CCDC149: variants seen among roughly 807,000 people sequenced by gnomAD.
CCDC149 encodes coiled-coil domain containing 149.
A neutral mutation model predicts 59.9 loss-of-function variants in CCDC149; 45 were observed. The ratio of observed to expected loss-of-function variants is 0.75; its 90% CI spans 0.59 to 0.96. The LOEUF is 0.96. Among genes scored for constraint, CCDC149 ranks in the 40% least tolerant of loss-of-function variants. The pLI is 0.00. For missense variants in CCDC149, 584 were observed against 664.7 expected, an observed-to-expected ratio of 0.88 and a Z score of 1.33; for synonymous variants, 245 against 260.6, an observed-to-expected ratio of 0.94 and a Z score of 0.58.
intron 1 of CCDC149, among the ~76,000 whole-genome samples, chr4:24,890,426 T>G (rs1246409712): frequency 6.6e-6 from 1 of 152,162 alleles, no homozygotes; most frequent in Non-Finnish European, 1.5e-5. Context: ...TCCCATGCCC[T>G]TTCTGCCACA....
At chr4:24,931,829 G>GTATATATATATATATATATATATATA (rs57205804) in intron 1 of CCDC149, among the ~76,000 whole-genome samples, 1,063 of 76,536 alleles carry the variant, frequency 0.014, 95 homozygotes, top group African/African-American at 0.024. Flanking sequence ...TGGAGAGTAT[G>GTATATATATATATATATATATATATA]TATATATATA....
At chr4:24,840,059 T>C (rs1374603743) in intron 4 of CCDC149, among the ~76,000 whole-genome samples, 1 of 152,134 alleles carries the variant, frequency 6.6e-6, no homozygotes. Flanking sequence ...GGAAGTTAAT[T>C]TAAGCCAAGG....
Position 24,819,989 on chromosome 4 carries a change from G to T in CCDC149, c.1076-14C>A. 1 of 1,530,410 alleles carries T rather than the reference G, an allele frequency of 6.5e-7. No individual in the cohort carries two copies. Among genetic ancestry groups the T allele is most frequent in the Non-Finnish European group, 8.9e-7 (1 of 1,129,704 alleles). 94.8% of individuals were successfully genotyped at this position (1,530,410 alleles called of 1,614,324 possible). On this transcript the variant is annotated splice_polypyrimidine_tract_variant and intron_variant, in intron 11 of 12. Transcript: ENST00000635206. ...TGTCCTTGCCCCCTGTTGCAGAAAA[G>T]AGGAAAATGGATGTCTTATATCATC...
chr4:24,876,655 G>A lies in CCDC149; in HGVS notation c.106C>T (p.Leu36=), dbSNP rs1280820276. The change falls in exon 2 of 13, where the codon CTG becomes TTG. Residue 36 remains leucine, a synonymous_variant. Transcript: ENST00000635206. ...TCCAGCTCCTTGGAGAGGATCAGCAGGGCTTCCTTCTTACTCTCCAGCTTC... is the reference window on the plus strand; with the variant it reads ...TCCAGCTCCTTGGAGAGGATCAGCAAGGCTTCCTTCTTACTCTCCAGCTTC... 4 of 1,613,862 alleles carry A rather than the reference G, an allele frequency of 2.5e-6. No homozygotes were observed. The highest frequency in any genetic ancestry group is 1.7e-6 in the Non-Finnish European group (2 of 1,179,974).
At chr4:24,805,479 A>G (rs1714104256), downstream of CCDC149, among the ~76,000 whole-genome samples, 1 of 152,190 alleles carries the variant, frequency 6.6e-6, no homozygotes, top group Non-Finnish European at 1.5e-5. Flanking sequence ...CAGAGACAGC[A>G]CCATTGGTTG....
At chr4:24,882,481 G>A (rs992408928) in intron 1 of CCDC149, among the ~76,000 whole-genome samples, 13 of 152,164 alleles carry the variant, frequency 8.5e-5, no homozygotes, top group Admixed American at 1.3e-4. Context: ...AAATGATATC[G>A]TTGAATTTTG....
intron 1 of CCDC149, among the ~76,000 whole-genome samples, chr4:24,906,213 G>A (rs1435230101): frequency 6.6e-6 from 1 of 151,928 alleles, no homozygotes; most frequent in Non-Finnish European, 1.5e-5. Context: ...TATTTCTTAG[G>A]AAGTGAAAAC....
At chr4:24,979,768 A>G (rs542409762) in intron 1 of CCDC149, among the ~76,000 whole-genome samples, 2 of 152,296 alleles carry the variant, frequency 1.3e-5, no homozygotes, top group African/African-American at 4.8e-5. Context: ...CCCAGGGACC[A>G]TTACAGTAAA....
chr4:24,804,044 G>A (rs914368557), downstream of CCDC149, among the ~76,000 whole-genome samples: 1 of 152,144 alleles, frequency 6.6e-6, no homozygotes, highest in Non-Finnish European at 1.5e-5. Flanking sequence ...GGAAAGAAGG[G>A]ACTACATTAA....
intron 1 of CCDC149, among the ~76,000 whole-genome samples, chr4:24,905,376 T>A (rs1222261387): frequency 2.6e-5 from 4 of 152,000 alleles, no homozygotes; most frequent in Non-Finnish European, 5.9e-5. Flanking sequence ...CTTATCTTTT[T>A]CATGTCCTAT....
rs1326525340 is a variant in CCDC149 at position 24,956,054 on chromosome 4, G to A, written c.-65+24015C>T. Among the ~76,000 whole-genome samples the A allele has an allele frequency of 3.3e-5, 5 of 152,160 alleles. No individual in the cohort carries two copies. In the East Asian group the frequency reaches 9.6e-4, roughly 29 times the overall value. ...AACGCATATATTAGACTCTAGCGGT[G>A]GTTCTGAAATAATTGGAGCCCAATT... On this transcript the variant is annotated intron_variant, in intron 1 of 12. Transcript: ENST00000389609.
At chr4:24,820,651 T>A (rs903190517) in intron 11 of CCDC149, among the ~76,000 whole-genome samples, 5 of 152,212 alleles carry the variant, frequency 3.3e-5, no homozygotes, top group African/African-American at 1.2e-4. Flanking sequence ...TAGAAGAGGC[T>A]CTTTTTCCTT....
chr4:24,893,612 A>ATTTTTTTTTTTTTTTTTTTTT (rs1560241640), intron 1 of CCDC149, among the ~76,000 whole-genome samples: 13 of 9,356 alleles, frequency 1.4e-3, no homozygotes, highest in South Asian at 6.1e-3. Context: ...TAAAATACAG[A>ATTTTTTTTTTTTTTTTTTTTT]CTTTTTTTTT....
chr4:24,881,517 C>T lies in CCDC149; in HGVS notation c.64-4820G>A, dbSNP rs80028088. Reference sequence around the variant, plus strand: ...GCAGACAACTGCCTGGAGAGCCATTCGGGTCCACAGAGAACTTTGTGTGAT... The same window carrying T: ...GCAGACAACTGCCTGGAGAGCCATTTGGGTCCACAGAGAACTTTGTGTGAT... On this transcript the variant is annotated intron_variant, in intron 1 of 12. Coordinates refer to ENST00000635206, the MANE Select transcript of CCDC149 (RefSeq NM_001330643.2). 3.8e-3 allele frequency among the ~76,000 whole-genome samples: 577 copies of T among 152,320 alleles called. 5 individuals carry two copies. Among genetic ancestry groups the T allele is most frequent in the African/African-American group, 0.013 (528 of 41,568 alleles).
intron 1 of CCDC149, among the ~76,000 whole-genome samples, chr4:24,932,051 G>C (rs1722610797): frequency 6.6e-6 from 1 of 151,902 alleles, no homozygotes; most frequent in Admixed American, 6.6e-5. Flanking sequence ...GAAAGTGTAA[G>C]TGTTCTAACA....
chr4:24,954,394 C>G (rs1577504401), intron 1 of CCDC149, among the ~76,000 whole-genome samples: 2 of 152,346 alleles, frequency 1.3e-5, no homozygotes, highest in South Asian at 2.1e-4. Context: ...AGTGAGGGCT[C>G]TCTGTAAGCT....
intron 3 of CCDC149, among the ~76,000 whole-genome samples, chr4:24,855,303 ACCTGTAAT>A (rs1255893865): frequency 6.6e-6 from 1 of 152,132 alleles, no homozygotes; most frequent in African/African-American, 2.4e-5. Context: ...CGTGGCTCAC[ACCTGTAAT>A]CCCAGCCCTT....
At chr4:24,976,949 G>T (rs1401472374) in intron 1 of CCDC149, among the ~76,000 whole-genome samples, 1 of 152,126 alleles carries the variant, frequency 6.6e-6, no homozygotes. Flanking sequence ...GCCTATCCAG[G>T]CTTGATTAAA....
chr4:24,843,741 A>G (rs1044052877), intron 4 of CCDC149, among the ~76,000 whole-genome samples: 1 of 152,190 alleles, frequency 6.6e-6, no homozygotes, highest in Non-Finnish European at 1.5e-5. Flanking sequence ...CCAAGCGAGC[A>G]GTGTGCTAGC....
Sources: allele counts gnomAD v4.1 joint callset (sites outside exome capture counted in the v4.1 genomes callset), GRCh38; gene constraint gnomAD v4.1.1; transcripts MANE v1.5; gene names NCBI Gene and HGNC (gene_info 2026-07-23, HGNC 2026-07-21).